Variants in GPR158 observed in about 807,000 individuals in gnomAD.
GPR158 encodes the protein metabotropic glycine receptor.
Under a neutral mutation model 78.2 loss-of-function variants are expected in GPR158, and 30 were observed. The observed-to-expected ratio is 0.38, with a 90% CI of 0.29 to 0.52. The LOEUF is 0.52. Among genes scored for constraint, GPR158 ranks in the 20% least tolerant of loss-of-function variants. The pLI, the probability that GPR158 is intolerant of heterozygous loss-of-function variation, is 0.83. For missense variants in GPR158, 1,463 were observed against 1,523.5 expected (o/e 0.96, Z 0.66); for synonymous variants, 581 against 591.1 (o/e 0.98, Z 0.25).
At chr10:25,471,219 TG>T (rs1205197954) in intron 5 of GPR158, among the ~76,000 whole-genome samples, 1 of 151,924 alleles carries the variant, frequency 6.6e-6, no homozygotes, top group Non-Finnish European at 1.5e-5. Flanking sequence ...TTTGGTTTTT[TG>T]TCCTTGTGAT....
chr10:25,421,508 A>G (rs1421145411), intron 4 of GPR158, among the ~76,000 whole-genome samples: 2 of 152,150 alleles, frequency 1.3e-5, no homozygotes, highest in Non-Finnish European at 2.9e-5. Flanking sequence ...TTACTGATTT[A>G]TAAATTTTTT....
intron 1 of GPR158, among the ~76,000 whole-genome samples, chr10:25,179,427 T>TCC (rs1852586507): frequency 6.6e-6 from 1 of 152,178 alleles, no homozygotes; most frequent in African/African-American, 2.4e-5. Context: ...TTTTCCCAGG[T>TCC]CTTACTTACA....
intron 4 of GPR158, among the ~76,000 whole-genome samples, chr10:25,463,933 G>A (rs1205606779): frequency 6.6e-6 from 1 of 152,148 alleles, no homozygotes; most frequent in Non-Finnish European, 1.5e-5. Flanking sequence ...GGGGAGCATG[G>A]ATCTCTTCTC....
chr10:25,563,691 CA>C (rs71508740), intron 6 of GPR158, among the ~76,000 whole-genome samples: 41,204 of 151,984 alleles, frequency 0.27, 6,789 homozygotes, highest in Non-Finnish European at 0.37. Flanking sequence ...CAGACGTATA[CA>C]AAAACTTTGC....
chr10:25,594,559 A>G (rs1837377839), intron 9 of GPR158, among the ~76,000 whole-genome samples, 162 bp downstream of exon 9: 1 of 152,070 alleles, frequency 6.6e-6, no homozygotes, highest in Non-Finnish European at 1.5e-5. Context: ...TGAATTTTGG[A>G]AACTTCTTAA....
At chr10:25,547,113 A>G (rs1836670661) in intron 5 of GPR158, among the ~76,000 whole-genome samples, 1 of 152,170 alleles carries the variant, frequency 6.6e-6, no homozygotes, top group Non-Finnish European at 1.5e-5. Context: ...AGACAGTGGA[A>G]TAAGAAATAG....
At chr10:25,285,668 A>G (rs1854340746) in intron 2 of GPR158, among the ~76,000 whole-genome samples, 1 of 152,030 alleles carries the variant, frequency 6.6e-6, no homozygotes, top group East Asian at 1.9e-4. Flanking sequence ...ACCCACTTTG[A>G]GGGTGGATCT....
intron 2 of GPR158, among the ~76,000 whole-genome samples, chr10:25,307,283 T>G (rs1854690814): frequency 6.6e-6 from 1 of 151,648 alleles, no homozygotes; most frequent in Non-Finnish European, 1.5e-5. Context: ...ATCACGTGGT[T>G]TTTCATGAAA....
chr10:25,588,293 G>A (rs980361895), intron 7 of GPR158, among the ~76,000 whole-genome samples: 1 of 152,116 alleles, frequency 6.6e-6, no homozygotes, highest in Non-Finnish European at 1.5e-5. Context: ...AGTTATTTAG[G>A]GATAGAGCCA....
chr10:25,574,899 C>CA (rs1420098307), intron 7 of GPR158, among the ~76,000 whole-genome samples: 4 of 151,388 alleles, frequency 2.6e-5, no homozygotes, highest in African/African-American at 7.3e-5. Flanking sequence ...AAATAAAAAA[C>CA]AAAAAAAATA....
At chr10:25,521,947 A>T (rs1186377976) in intron 5 of GPR158, among the ~76,000 whole-genome samples, 1 of 152,232 alleles carries the variant, frequency 6.6e-6, no homozygotes, top group Non-Finnish European at 1.5e-5. Flanking sequence ...TGTGGGTGAA[A>T]GGAGATAAGG....
At chr10:25,263,988 C>T (rs1854005820) in intron 2 of GPR158, among the ~76,000 whole-genome samples, 1 of 152,096 alleles carries the variant, frequency 6.6e-6, no homozygotes, top group South Asian at 2.1e-4. Context: ...TTGGTATTAT[C>T]CTTTGGAGAC....
chr10:25,267,787 G>T (rs1854062729), intron 2 of GPR158, among the ~76,000 whole-genome samples: 1 of 151,970 alleles, frequency 6.6e-6, no homozygotes, highest in Non-Finnish European at 1.5e-5. Context: ...TTTAATGATA[G>T]GGCCCAGACT....
In GPR158 at chr10:25,513,493, C is replaced by CT. The variant is rs59066452; in HGVS notation, c.1405-37472dup. On this transcript the variant is annotated intron_variant, in intron 5 of 10. Coordinates refer to ENST00000376351, the MANE Select transcript of GPR158 (RefSeq NM_020752.3). ...AGAACTAGTTTTTTGTTTCATTTATCTTTTTTTTTTTGGTTCAATTTTATT... is the reference window on the plus strand; with the variant it reads ...AGAACTAGTTTTTTGTTTCATTTATCTTTTTTTTTTTTGGTTCAATTTTATT... Among the ~76,000 whole-genome samples the CT allele has an allele frequency of 8.6e-3, 1,246 of 144,514 alleles. 6 individuals are homozygous for CT. Among genetic ancestry groups the CT allele is most frequent in the South Asian group, 0.02 (90 of 4,574 alleles). 94.8% of individuals were successfully genotyped at this position (144,514 alleles called of 152,430 possible).
intron 5 of GPR158, among the ~76,000 whole-genome samples, chr10:25,467,076 G>T (rs1240681913): frequency 6.6e-6 from 1 of 152,072 alleles, no homozygotes; most frequent in East Asian, 1.9e-4. Context: ...ATTTTAGGGA[G>T]GCATGAGACT....
At chr10:25,551,672 A>C (rs1458816484) in intron 6 of GPR158, among the ~76,000 whole-genome samples, 1 of 152,182 alleles carries the variant, frequency 6.6e-6, no homozygotes, top group Non-Finnish European at 1.5e-5. Flanking sequence ...CAGGGGAAGC[A>C]ACAAAATGAA....
At chr10:25,540,434 A>C (rs959134167) in intron 5 of GPR158, among the ~76,000 whole-genome samples, 2 of 152,216 alleles carry the variant, frequency 1.3e-5, no homozygotes, top group Non-Finnish European at 2.9e-5. Flanking sequence ...CAGCCATCCC[A>C]TTACTGGGTA....
intron 2 of GPR158, among the ~76,000 whole-genome samples, chr10:25,296,486 TATCTA>T (rs929339072): frequency 1.3e-5 from 2 of 151,690 alleles, no homozygotes; most frequent in South Asian, 2.1e-4. Context: ...TTTCTATCTA[TATCTA>T]ATCTATCTAT....
At chr10:25,376,554 T>G (rs1834083104) in intron 2 of GPR158, among the ~76,000 whole-genome samples, 2 of 151,710 alleles carry the variant, frequency 1.3e-5, no homozygotes, top group Admixed American at 1.3e-4. Context: ...ACATATTGAT[T>G]TAGATTACTC....
Sources: allele counts gnomAD v4.1 joint callset (sites outside exome capture counted in the v4.1 genomes callset), GRCh38; gene constraint gnomAD v4.1.1; transcripts MANE v1.5; gene names NCBI Gene and HGNC (gene_info 2026-07-23, HGNC 2026-07-21).